Variants in SH3TC2 observed in about 807,000 individuals in gnomAD.
The protein encoded by SH3TC2 is SH3 domain and tetratricopeptide repeat-containing protein 2.
In SH3TC2, 87 loss-of-function variants were observed where a neutral mutation model predicts 124.5. The observed-to-expected ratio is 0.70, with a 90% CI of 0.59 to 0.84. SH3TC2 has a LOEUF of 0.84. Among genes scored for constraint, SH3TC2 ranks in the 40% least tolerant of loss-of-function variants. The pLI is 0.00. For missense variants in SH3TC2, 1,536 were observed against 1,566.4 expected, an observed-to-expected ratio of 0.98 and a Z score of 0.33; for synonymous variants, 634 against 628.5, an observed-to-expected ratio of 1.01 and a Z score of -0.13.
In SH3TC2 at chr5:149,026,914, G is replaced by A. The variant is rs1380115510; in HGVS notation, c.2818C>T (p.Leu940Phe). The A allele has an allele frequency of 6.2e-7, 1 of 1,614,186 alleles. No homozygotes were observed. The highest frequency in any genetic ancestry group is 8.5e-7 in the Non-Finnish European group (1 of 1,180,040). ...LVSGHQLTHG[L>F]LCYEMALLFG... is the part of the protein sequence containing the mutation. ...AGCAATGCCATTTCATAACAAAGAA[G>A]GCCATGGGTCAGCTGGTGTCCAGAC... is the stretch of plus-strand genomic sequence containing the variant. Residue 940 changes from leucine to phenylalanine, a missense_variant, in exon 11 of 17, where the codon CTT becomes TTT. Leu to Phe is a conservative substitution (Grantham distance 22). Transcript: ENST00000515425.
Position 149,048,001 on chromosome 5 carries a change from CAG to C in SH3TC2, c.152-14_152-13del, listed in dbSNP as rs1411250935. On this transcript the variant is annotated splice_polypyrimidine_tract_variant and intron_variant, in intron 2 of 16. Transcript: ENST00000515425. Reference sequence around the variant, plus strand: ...GGAGAGTGTCAGGTCTTAAAGAGAACAGAGAGAGAAGGATCAGGCTGAAAATA... The same window carrying C: ...GGAGAGTGTCAGGTCTTAAAGAGAACAGAGAGAAGGATCAGGCTGAAAATA... 6.8e-6 allele frequency: 11 copies of C among 1,613,836 alleles called. 1 individual carries two copies. The highest frequency in any genetic ancestry group is 8.5e-6 in the Non-Finnish European group (10 of 1,179,868).
chr5:149,006,832 G>A (rs753965210), intron 16 of SH3TC2, 49 bp downstream of exon 16: 2 of 1,567,416 alleles, frequency 1.3e-6, no homozygotes, highest in South Asian at 2.2e-5. Flanking sequence ...TCAGGAAGGA[G>A]AATGGTTGGG....
intron 12 of SH3TC2, among the ~76,000 whole-genome samples, chr5:149,017,514 G>A (rs1753895964): frequency 1.3e-5 from 2 of 152,042 alleles, no homozygotes; most frequent in Admixed American, 1.3e-4. Context: ...CTACCTGTGT[G>A]CCCCCCGCCC....
chr5:149,052,655 G>T (rs1216840461), intron 1 of SH3TC2, among the ~76,000 whole-genome samples: 1 of 152,192 alleles, frequency 6.6e-6, no homozygotes, highest in African/African-American at 2.4e-5. Context: ...GACAATTGGG[G>T]TGTGGTTATA....
chr5:149,057,171 C>T (rs1361309722), intron 1 of SH3TC2, among the ~76,000 whole-genome samples: 2 of 152,136 alleles, frequency 1.3e-5, no homozygotes, highest in Non-Finnish European at 2.9e-5. Flanking sequence ...ATACTTTAAT[C>T]TACTATTTAA....
rs1280640361 is a variant in SH3TC2, at chr5:148,998,875, C to T, written c.*5836G>A. On this transcript the variant is annotated 3_prime_UTR_variant, in exon 17 of 17. Transcript: ENST00000515425. ...GTTGGGAGAGTGAGGGGGTACATAT[C>T]AGGAAATATATGCTGTCCCACCGAA... is the stretch of plus-strand genomic sequence containing the variant. Among the ~76,000 whole-genome samples the T allele has an allele frequency of 6.6e-6, 1 of 152,150 alleles. No individual in the cohort carries two copies. The highest frequency in any genetic ancestry group is 2.4e-5 in the African/African-American group (1 of 41,432).
chr5:148,996,483 C>G lies in SH3TC2; in HGVS notation c.*8228G>C, dbSNP rs572927419. On this transcript the variant is annotated 3_prime_UTR_variant, in exon 17 of 17. Coordinates refer to ENST00000515425, the MANE Select transcript of SH3TC2 (RefSeq NM_024577.4). ...AGCCCCAAAGCTACATGTTCTAGAA[C>G]AGACAAAAGTTAGTTTTGTTTTGTT... is the stretch of plus-strand genomic sequence containing the variant. Among the ~76,000 whole-genome samples the G allele has an allele frequency of 9.8e-5, 15 of 152,292 alleles. No homozygotes were observed. In the South Asian group the frequency reaches 2.9e-3, roughly 29 times the overall value.
rs147906062 is a variant in SH3TC2, at chr5:148,988,655, G to A, written c.*16056C>T. Among the ~76,000 whole-genome samples, 406 of 152,276 alleles carry A rather than the reference G, an allele frequency of 2.7e-3. 1 individual carries two copies. Among genetic ancestry groups the A allele is most frequent in the Non-Finnish European group, 4.7e-3 (323 of 68,024 alleles). On this transcript the variant is annotated 3_prime_UTR_variant, in exon 17 of 17. Transcript: ENST00000515425. The stretch of plus-strand genomic sequence containing the variant: ...TTAGCCCCGTGAGGAAGCCATCTTC[G>A]ATGCCCAGCCCAGAGGAGCCTTTGA...
At position 148,991,208 on chromosome 5, in the gene SH3TC2, A is replaced by T. The variant is rs1199018625; in HGVS notation, c.*13503T>A. Among the ~76,000 whole-genome samples the T allele has an allele frequency of 6.6e-6, 1 of 152,324 alleles. No individual in the cohort carries two copies. The highest frequency in any genetic ancestry group is 1.5e-5 in the Non-Finnish European group (1 of 68,024). ...ATGTAGAGGACTTTTTCTTCTCTAT[A>T]CAAAAGCTTTTACCCATATACCACA... On this transcript the variant is annotated 3_prime_UTR_variant, in exon 17 of 17. Coordinates refer to ENST00000515425, the MANE Select transcript of SH3TC2 (RefSeq NM_024577.4).
At position 148,998,822 on chromosome 5, in the gene SH3TC2, C is replaced by A. The variant is rs1753551173; in HGVS notation, c.*5889G>T. Among the ~76,000 whole-genome samples the A allele has an allele frequency of 6.6e-6, 1 of 152,138 alleles. No homozygotes were observed. Among genetic ancestry groups the A allele is most frequent in the Non-Finnish European group, 1.5e-5 (1 of 68,014 alleles). The stretch of plus-strand genomic sequence containing the variant: ...CTTCCAGCAGCCTCCATCCTCAAGT[C>A]CCCTGAGTTCTGGAATAATCAGACA... On this transcript the variant is annotated 3_prime_UTR_variant, in exon 17 of 17. Transcript: ENST00000515425.
At chr5:149,057,943 C>T (rs1754679801) in intron 1 of SH3TC2, among the ~76,000 whole-genome samples, 1 of 152,146 alleles carries the variant, frequency 6.6e-6, no homozygotes, top group South Asian at 2.1e-4. Flanking sequence ...AGTTCTAGGA[C>T]CCTCATCAGC....
chr5:149,028,198 C>A lies in SH3TC2; in HGVS notation c.1534G>T (p.Glu512Ter). Residue 512 changes from glutamate to a stop codon, truncating the protein, a stop_gained, in exon 11 of 17, where the codon GAG (glutamate) becomes TAG (stop). Coordinates refer to ENST00000515425, the MANE Select transcript of SH3TC2 (RefSeq NM_024577.4). LOFTEE classifies it high-confidence loss of function. ...SEEDEFVAYL[E>*]ASRKWAKKSH... The stretch of plus-strand genomic sequence containing the variant: ...TTCTTGGCCCACTTTCTTGATGCCT[C>A]CAGGTAGGCCACAAACTCATCCTCC... The A allele has an allele frequency of 6.2e-7, 1 of 1,614,036 alleles. No individual in the cohort carries two copies. Among genetic ancestry groups the A allele is most frequent in the Non-Finnish European group, 8.5e-7 (1 of 1,180,010 alleles).
chr5:148,985,322 T>C lies in SH3TC2; in HGVS notation c.*19389A>G, dbSNP rs1206386610. Among the ~76,000 whole-genome samples, 1 of 152,188 alleles carries C rather than the reference T, an allele frequency of 6.6e-6. No homozygotes were observed. Among genetic ancestry groups the C allele is most frequent in the Non-Finnish European group, 1.5e-5 (1 of 68,020 alleles). On this transcript the variant is annotated 3_prime_UTR_variant, in exon 17 of 17. Coordinates refer to ENST00000515425, the MANE Select transcript of SH3TC2 (RefSeq NM_024577.4). ...CAAATGCATTCAATGCCATCACTACTACAATCAAGATATAGAACAGCTCCA... is the reference window on the plus strand; with the variant it reads ...CAAATGCATTCAATGCCATCACTACCACAATCAAGATATAGAACAGCTCCA...
At position 149,004,403 on chromosome 5, in the gene SH3TC2, A is replaced by C. The variant is rs544786401; in HGVS notation, c.*308T>G. On this transcript the variant is annotated 3_prime_UTR_variant, in exon 17 of 17. Coordinates refer to ENST00000515425, the MANE Select transcript of SH3TC2 (RefSeq NM_024577.4). ...GGAAGGAAGGCTCCTGGAGGGCAAG[A>C]TCCCTCATCTTCTCCAGAATTATGT... is the stretch of plus-strand genomic sequence containing the variant. 1.1e-4 allele frequency: 41 copies of C among 357,646 alleles called. No homozygotes were observed. Among genetic ancestry groups the C allele is most frequent in the African/African-American group, 7.4e-4 (36 of 48,838 alleles). The allele number at this position is 357,646 out of a possible 1,614,324, so 22.2% of individuals were successfully genotyped here.
chr5:149,015,414 A>G (rs1580893093), intron 12 of SH3TC2, among the ~76,000 whole-genome samples: 1 of 152,296 alleles, frequency 6.6e-6, no homozygotes, highest in South Asian at 2.1e-4. Flanking sequence ...CAGAATGCCA[A>G]TTCCTCCAGC....
Position 148,997,347 on chromosome 5 carries a change from T to C in SH3TC2, c.*7364A>G, listed in dbSNP as rs575613681. ...TTCAAAACATAACTTACTGATCTTA[T>C]AATTTGTTTTGACCAATCACTACTA... On this transcript the variant is annotated 3_prime_UTR_variant, in exon 17 of 17. Transcript: ENST00000515425. 1.3e-5 allele frequency among the ~76,000 whole-genome samples: 2 copies of C among 152,368 alleles called. No individual in the cohort carries two copies. Among genetic ancestry groups the C allele is most frequent in the Admixed American group, 6.5e-5 (1 of 15,298 alleles).
At chr5:149,046,242 T>G (rs1754462217) in intron 3 of SH3TC2, 1 of 154,168 alleles carries the variant, frequency 6.5e-6, no homozygotes, top group African/African-American at 2.4e-5. Context: ...GATCCATCAT[T>G]AGGGAAGGGG....
In SH3TC2 at chr5:148,992,115, G is replaced by T. The variant is rs1364852968; in HGVS notation, c.*12596C>A. ...TGAATTCAATCACTAGGTAATAAGA[G>T]GTAACAATTGAACATTTAGCTGTTT... On this transcript the variant is annotated 3_prime_UTR_variant, in exon 17 of 17. Transcript: ENST00000515425. Among the ~76,000 whole-genome samples, 1 of 152,192 alleles carries T rather than the reference G, an allele frequency of 6.6e-6. No individual in the cohort carries two copies.
In SH3TC2 at chr5:149,012,742, C is replaced by A; in HGVS notation, c.3054-8G>T. ...AGTGACCTCCTGAGGGACCTGGGGA[C>A]AGACATGAACTTGTGAGGTGTGAAG... On this transcript the variant is annotated splice_region_variant and splice_polypyrimidine_tract_variant and intron_variant, in intron 12 of 16. Coordinates refer to ENST00000515425, the MANE Select transcript of SH3TC2 (RefSeq NM_024577.4). 1 of 1,614,024 alleles carries A rather than the reference C, an allele frequency of 6.2e-7. No homozygotes were observed. The highest frequency in any genetic ancestry group is 8.5e-7 in the Non-Finnish European group (1 of 1,180,006).
Sources: gnomAD v4.1 joint callset for allele counts (sites outside exome capture counted in the v4.1 genomes callset) on GRCh38, gnomAD v4.1.1 for gene constraint, MANE v1.5 for transcripts, NCBI Gene and HGNC (gene_info 2026-07-23, HGNC 2026-07-21) for gene names.